MRTFA: variants seen among roughly 807,000 people sequenced by gnomAD.
The protein encoded by MRTFA is myocardin related transcription factor A.
MRTFA carries 20 observed loss-of-function variants against 83.5 expected under a neutral mutation model. The observed-to-expected ratio is 0.24, with a 90% CI of 0.17 to 0.35. The LOEUF (loss-of-function observed/expected upper bound fraction) is 0.35. Among genes scored for constraint, MRTFA ranks in the 10% least tolerant of loss-of-function variants. The pLI is 1.00. For missense variants in MRTFA, 1,200 were observed against 1,224.7 expected (o/e 0.98, Z 0.30); for synonymous variants, 659 against 541.2 (o/e 1.22, Z -3.02).
chr22:40,535,768 G>C (rs1167895222), intron 3 of MRTFA, among the ~76,000 whole-genome samples: 1 of 152,136 alleles, frequency 6.6e-6, no homozygotes, highest in Non-Finnish European at 1.5e-5. Context: ...CACAGAAGAT[G>C]GTAGGAAGGG....
intron 1 of MRTFA, among the ~76,000 whole-genome samples, chr22:40,621,424 T>C (rs375452011): frequency 6.6e-6 from 1 of 151,944 alleles, no homozygotes; most frequent in African/African-American, 2.4e-5. Flanking sequence ...ATCAAAACCA[T>C]AGAGACAGAA....
chr22:40,616,831 C>T (rs1210063447), intron 1 of MRTFA, among the ~76,000 whole-genome samples: 1 of 152,146 alleles, frequency 6.6e-6, no homozygotes, highest in Non-Finnish European at 1.5e-5. Flanking sequence ...AGCACAGTGG[C>T]TCACGTCTGT....
intron 14 of MRTFA, among the ~76,000 whole-genome samples, chr22:40,413,555 C>A (rs2052608916): frequency 6.6e-6 from 1 of 152,026 alleles, no homozygotes; most frequent in African/African-American, 2.4e-5. Flanking sequence ...GATCCGCCTG[C>A]CTTGGCCTCC....
At chr22:40,574,420 C>A (rs534842457) in intron 2 of MRTFA, among the ~76,000 whole-genome samples, 1 of 151,128 alleles carries the variant, frequency 6.6e-6, no homozygotes, top group Non-Finnish European at 1.5e-5. Flanking sequence ...CATTACACTG[C>A]ATTAGTTATT....
chr22:40,476,744 G>A (rs1473392329), intron 3 of MRTFA, among the ~76,000 whole-genome samples: 3 of 151,934 alleles, frequency 2.0e-5, no homozygotes, highest in Non-Finnish European at 4.4e-5. Flanking sequence ...GAACCACCGC[G>A]CAGCCTAAAC....
At chr22:40,480,894 A>G (rs751435008) in intron 3 of MRTFA, among the ~76,000 whole-genome samples, 4 of 151,958 alleles carry the variant, frequency 2.6e-5, no homozygotes, top group South Asian at 2.1e-4. Context: ...GATTACAGGC[A>G]TGAGCCAACA....
At position 40,429,703 on chromosome 22, in the gene MRTFA, A is replaced by G. The variant is rs1231977758; in HGVS notation, c.504T>C (p.Asp168=). 2 of 1,614,042 alleles carry G rather than the reference A, an allele frequency of 1.2e-6. No homozygotes were observed. The highest frequency in any genetic ancestry group is 2.2e-5 in the East Asian group (1 of 44,858). The change falls in exon 7 of 15, where the codon GAT becomes GAC. Residue 168 remains aspartate (D), a synonymous_variant. Transcript: ENST00000355630. ...TCTGTGCAATCTTCTCATTGAGGTC[A>G]TCGGCTAGTCTGGCTCTCTTCAGCT...
intron 12 of MRTFA, 68 bp downstream of exon 12, chr22:40,418,306 A>T: frequency 6.4e-7 from 1 of 1,556,100 alleles, no homozygotes; most frequent in East Asian, 2.3e-5. Flanking sequence ...CTGGCCCAAG[A>T]GGGCTGTAGC....
At chr22:40,486,420 C>T (rs1254090828) in intron 3 of MRTFA, among the ~76,000 whole-genome samples, 2 of 152,190 alleles carry the variant, frequency 1.3e-5, no homozygotes, top group Non-Finnish European at 2.9e-5. Context: ...AAGAAAGTTC[C>T]AGGCTGGTGA....
At chr22:40,532,424 A>C (rs2055097556) in intron 3 of MRTFA, among the ~76,000 whole-genome samples, 1 of 152,236 alleles carries the variant, frequency 6.6e-6, no homozygotes, top group African/African-American at 2.4e-5. Context: ...TTTTTCATCA[A>C]AGACAGATGG....
At chr22:40,446,667 T>C (rs2053383809) in intron 4 of MRTFA, among the ~76,000 whole-genome samples, 1 of 152,188 alleles carries the variant, frequency 6.6e-6, no homozygotes, top group East Asian at 1.9e-4. Flanking sequence ...GAGAATCACT[T>C]ATGCTTAGGA....
At chr22:40,534,786 G>A (rs530500821) in intron 3 of MRTFA, among the ~76,000 whole-genome samples, 2 of 152,206 alleles carry the variant, frequency 1.3e-5, no homozygotes, top group Non-Finnish European at 2.9e-5. Context: ...TGTTTATCTA[G>A]AATTCTTCAA....
chr22:40,531,935 C>G (rs2055088843), intron 3 of MRTFA, among the ~76,000 whole-genome samples: 1 of 152,148 alleles, frequency 6.6e-6, no homozygotes, highest in South Asian at 2.1e-4. Context: ...CTTTCTATAT[C>G]CAGAGTCTCT....
intron 3 of MRTFA, among the ~76,000 whole-genome samples, chr22:40,473,211 G>A (rs1434603827): frequency 6.6e-6 from 1 of 152,182 alleles, no homozygotes; most frequent in African/African-American, 2.4e-5. Flanking sequence ...CCAGGCTGAA[G>A]TGCAGTGGTA....
At chr22:40,539,386 C>A (rs949538274) in intron 3 of MRTFA, among the ~76,000 whole-genome samples, 10 of 149,486 alleles carry the variant, frequency 6.7e-5, no homozygotes, top group Non-Finnish European at 3.0e-5. Context: ...GTCGCCCAGG[C>A]TGGAGTGCAG....
At chr22:40,477,585 A>C (rs954598438) in intron 3 of MRTFA, among the ~76,000 whole-genome samples, 1 of 152,210 alleles carries the variant, frequency 6.6e-6, no homozygotes, top group Admixed American at 6.5e-5. Context: ...GTAAAATTAT[A>C]ATACAGATTA....
At chr22:40,480,213 A>G (rs1382194919) in intron 3 of MRTFA, among the ~76,000 whole-genome samples, 1 of 152,152 alleles carries the variant, frequency 6.6e-6, no homozygotes, top group East Asian at 1.9e-4. Context: ...GTCTGAATGT[A>G]TAGCCTGAAT....
intron 2 of MRTFA, among the ~76,000 whole-genome samples, chr22:40,574,589 C>T (rs772167686): frequency 3.4e-4 from 51 of 151,950 alleles, no homozygotes; most frequent in Non-Finnish European, 4.4e-4. Flanking sequence ...CATGCACCAC[C>T]ACGCCGGCTG....
intron 10 of MRTFA, 104 bp downstream of exon 10, chr22:40,420,743 C>T (rs2052816842): frequency 1.3e-5 from 21 of 1,559,626 alleles, no homozygotes; most frequent in South Asian, 3.6e-5. Context: ...TCCAGACCAG[C>T]GGGTCCTTAA....
Sources: allele counts gnomAD v4.1 joint callset (sites outside exome capture counted in the v4.1 genomes callset), GRCh38; gene constraint gnomAD v4.1.1; transcripts MANE v1.5; gene names NCBI Gene and HGNC (gene_info 2026-07-23, HGNC 2026-07-21).